The following OR56A3 variants were observed in gnomAD, a reference collection of about 807,000 sequenced individuals.
The protein encoded by OR56A3 is olfactory receptor family 56 subfamily A member 3.
OR56A3 carries 23 observed loss-of-function variants against 17.5 expected under a neutral mutation model. The observed-to-expected ratio is 1.32, with a 90% CI of 0.95 to 1.87. OR56A3 has a LOEUF of 1.87. Ranked by LOEUF, OR56A3 falls within the 40% of genes most tolerant of loss-of-function variation. OR56A3 has a pLI of 0.00. For missense variants in OR56A3, 366 were observed against 380.1 expected, an observed-to-expected ratio of 0.96 and a Z score of 0.31; for synonymous variants, 175 against 150.6, an observed-to-expected ratio of 1.16 and a Z score of -1.19.
At chr11:6,006,032 C>A in the OR56A3 span, among the ~76,000 whole-genome samples, 2 of 152,070 alleles carry the variant, frequency 1.3e-5, no homozygotes, top group Non-Finnish European at 2.9e-5. Context: ...AAAGTAATAA[C>A]CATGTAAATG....
chr11:5,951,142 A>G lies in OR56A3; in HGVS notation c.*2848A>G, dbSNP rs1373371004. ...AAGTTTTAGTTACTGGGTTTTTAAG[A>G]CATATGGTCCTGAAATCCCACAGTG... is the stretch of plus-strand genomic sequence containing the variant. On this transcript the variant is annotated 3_prime_UTR_variant, in exon 3 of 3. Transcript: ENST00000641160. 2.0e-5 allele frequency: 3 copies of G among 152,120 alleles called. No homozygotes were observed. The highest frequency in any genetic ancestry group is 1.3e-4 in the Admixed American group (2 of 15,274). 9.4% of individuals were successfully genotyped at this position (152,120 alleles called of 1,614,324 possible). A position where few individuals can be genotyped will look rare whatever the true frequency, so the allele number is the denominator to read the frequency against.
At chr11:5,971,936 C>A in the OR56A3 span, among the ~76,000 whole-genome samples, 10 of 152,134 alleles carry the variant, frequency 6.6e-5, no homozygotes, top group African/African-American at 2.4e-4. Flanking sequence ...ATATGACTGA[C>A]CTTCAAGGGG....
chr11:6,004,110 T>C, the OR56A3 span, among the ~76,000 whole-genome samples: 1 of 152,126 alleles, frequency 6.6e-6, no homozygotes, highest in South Asian at 2.1e-4. Context: ...GAGACTAGCT[T>C]TGGGAGGCCA....
chr11:6,007,886 G>A, the OR56A3 span, among the ~76,000 whole-genome samples: 1 of 152,226 alleles, frequency 6.6e-6, no homozygotes, highest in Non-Finnish European at 1.5e-5. Context: ...CTGGACCCCA[G>A]AGATCCCTGG....
the OR56A3 span, among the ~76,000 whole-genome samples, chr11:6,013,549 AG>A: frequency 1.3e-5 from 2 of 152,166 alleles, no homozygotes; most frequent in African/African-American, 4.8e-5. Flanking sequence ...TGCCCTCAGC[AG>A]GGTGGGCATG....
chr11:5,955,812 G>C (rs1847929076), downstream of OR56A3, among the ~76,000 whole-genome samples: 1 of 152,064 alleles, frequency 6.6e-6, no homozygotes, highest in African/African-American at 2.4e-5. Context: ...ATAAGCTCTA[G>C]TCTTGTTATA....
At chr11:5,985,513 A>G in the OR56A3 span, among the ~76,000 whole-genome samples, 3 of 152,208 alleles carry the variant, frequency 2.0e-5, no homozygotes, top group Non-Finnish European at 2.9e-5. Flanking sequence ...ACAGGAGCCA[A>G]TGATCTGGGG....
At chr11:5,980,932 C>T in the OR56A3 span, among the ~76,000 whole-genome samples, 6 of 152,100 alleles carry the variant, frequency 3.9e-5, no homozygotes, top group African/African-American at 7.2e-5. Context: ...CTTAGTTTGG[C>T]TGGATATGAA....
At chr11:5,973,034 C>G in the OR56A3 span, among the ~76,000 whole-genome samples, 1 of 152,166 alleles carries the variant, frequency 6.6e-6, no homozygotes, top group African/African-American at 2.4e-5. Flanking sequence ...TGTATTAAAA[C>G]TTTTCAGAAT....
At chr11:5,969,003 G>A in the OR56A3 span, among the ~76,000 whole-genome samples, 1 of 152,154 alleles carries the variant, frequency 6.6e-6, no homozygotes, top group Admixed American at 6.5e-5. Flanking sequence ...CATTTGAGAT[G>A]GAAAAAATAT....
the OR56A3 span, among the ~76,000 whole-genome samples, chr11:5,975,760 C>G: frequency 6.6e-6 from 1 of 151,998 alleles, no homozygotes; most frequent in East Asian, 1.9e-4. Flanking sequence ...ATTTCTAGTT[C>G]TAGATCCCTG....
At chr11:6,005,595 A>G in the OR56A3 span, among the ~76,000 whole-genome samples, 5 of 152,322 alleles carry the variant, frequency 3.3e-5, no homozygotes, top group South Asian at 1.0e-3. Flanking sequence ...GCTAAAACAA[A>G]ATGCCATAAA....
chr11:6,016,787 A>G, the OR56A3 span, among the ~76,000 whole-genome samples: 1 of 151,288 alleles, frequency 6.6e-6, no homozygotes, highest in South Asian at 2.1e-4. Context: ...TCAATTCAGA[A>G]TCTAAATGAG....
the OR56A3 span, among the ~76,000 whole-genome samples, chr11:5,962,262 T>C: frequency 6.6e-6 from 1 of 152,198 alleles, no homozygotes; most frequent in Non-Finnish European, 1.5e-5. Context: ...TTGTGGTAAA[T>C]GGTCTTTTAA....
chr11:6,013,044 G>T, the OR56A3 span, among the ~76,000 whole-genome samples: 551 of 152,380 alleles, frequency 3.6e-3, 4 homozygotes, highest in African/African-American at 0.013. Flanking sequence ...AAAGGCCCGG[G>T]TCTACAGCCC....
the OR56A3 span, among the ~76,000 whole-genome samples, chr11:6,015,882 T>C: frequency 6.6e-6 from 1 of 152,182 alleles, no homozygotes; most frequent in South Asian, 2.1e-4. Flanking sequence ...TTCAAGCTAA[T>C]GTTGGAATGA....
At chr11:6,000,108 A>G in the OR56A3 span, 1 of 152,248 alleles carries the variant, frequency 6.6e-6, no homozygotes, top group Non-Finnish European at 1.5e-5. Flanking sequence ...CCATCCCATT[A>G]CTGGGTACAT....
At chr11:6,016,948 C>T in the OR56A3 span, 1 of 151,908 alleles carries the variant, frequency 6.6e-6, no homozygotes, top group Admixed American at 6.6e-5. Flanking sequence ...TGAAGACAGG[C>T]TTTTGAAAAT....
rs1299320516 is a variant in OR56A3 at position 5,947,653 on chromosome 11, C to T, written c.307C>T (p.Leu103Phe). 3 of 1,614,194 alleles carry T rather than the reference C, an allele frequency of 1.9e-6. No individual in the cohort carries two copies. Among genetic ancestry groups the T allele is most frequent in the Non-Finnish European group, 2.5e-6 (3 of 1,180,038 alleles). The change falls in exon 3 of 3, where the codon CTC becomes TTC. Residue 103 changes from leucine to phenylalanine, a missense_variant. Transcript: ENST00000641160. ...LRPISFPACF[L>F]QMYIMNCFLA... ...GCCCATCAGCTTCCCTGCCTGCTTC[C>T]TCCAGATGTACATCATGAATTGTTT...
Sources: gnomAD v4.1 joint callset for allele counts (sites outside exome capture counted in the v4.1 genomes callset) on GRCh38, gnomAD v4.1.1 for gene constraint, MANE v1.5 for transcripts, NCBI Gene and HGNC (gene_info 2026-07-23, HGNC 2026-07-21) for gene names.